The following MGAT4C variants were observed in gnomAD, a reference collection of about 807,000 sequenced individuals.
MGAT4C encodes alpha-1,3-mannosyl-glycoprotein 4-beta-N-acetylglucosaminyltransferase C.
A neutral mutation model predicts 40.1 loss-of-function variants in MGAT4C; 19 were observed. The ratio of observed to expected loss-of-function variants is 0.47; its 90% confidence interval spans 0.33 to 0.70. The LOEUF is 0.70. Ranked by LOEUF, MGAT4C falls within the 30% of genes least tolerant of loss-of-function variation. MGAT4C has a pLI of 0.02. For missense variants in MGAT4C, 491 were observed against 563.2 expected (o/e 0.87, Z 1.30); for synonymous variants, 181 against 187.1 (o/e 0.97, Z 0.27).
chr12:86,356,086 T>C (rs1410083659), intron 3 of MGAT4C, among the ~76,000 whole-genome samples: 2 of 152,122 alleles, frequency 1.3e-5, no homozygotes, highest in African/African-American at 4.8e-5. Flanking sequence ...ATTATATTTA[T>C]ATATTGTAAT....
chr12:86,020,840 G>A (rs866248745), intron 2 of MGAT4C, among the ~76,000 whole-genome samples: 39 of 152,262 alleles, frequency 2.6e-4, no homozygotes, highest in African/African-American at 9.4e-4. Context: ...CTGCTCATCT[G>A]ACAAAGGGGC....
intron 1 of MGAT4C, among the ~76,000 whole-genome samples, chr12:86,184,139 C>A (rs1472125416): frequency 6.6e-6 from 1 of 152,034 alleles, no homozygotes; most frequent in African/African-American, 2.4e-5. Context: ...ATTTTTTTGA[C>A]ATTTAGAAAA....
chr12:86,557,875 T>C (rs896853492), intron 2 of MGAT4C, among the ~76,000 whole-genome samples: 1 of 151,716 alleles, frequency 6.6e-6, no homozygotes, highest in African/African-American at 2.4e-5. Context: ...CAGATCCTAA[T>C]GGAAAGGAAA....
chr12:86,123,237 C>A (rs1005097843), intron 1 of MGAT4C, among the ~76,000 whole-genome samples: 15 of 152,056 alleles, frequency 9.9e-5, no homozygotes, highest in African/African-American at 3.4e-4. Context: ...AAATAACTGT[C>A]AAAGTTTAGT....
chr12:86,173,403 A>G (rs1382320378), intron 1 of MGAT4C, among the ~76,000 whole-genome samples: 1 of 152,098 alleles, frequency 6.6e-6, no homozygotes, highest in Non-Finnish European at 1.5e-5. Context: ...TCATACCTCA[A>G]GCAGGAATGC....
intron 2 of MGAT4C, among the ~76,000 whole-genome samples, chr12:86,443,259 T>C (rs1049074899): frequency 2.0e-5 from 3 of 152,006 alleles, no homozygotes; most frequent in Admixed American, 6.6e-5. Flanking sequence ...CACAATACCG[T>C]AATTATAGTT....
At chr12:86,246,843 A>G (rs945044044) in intron 1 of MGAT4C, among the ~76,000 whole-genome samples, 2 of 152,128 alleles carry the variant, frequency 1.3e-5, no homozygotes, top group Non-Finnish European at 2.9e-5. Context: ...TAATATCTCA[A>G]ACTACTTTCT....
At chr12:86,711,560 A>T (rs998638617) in intron 2 of MGAT4C, among the ~76,000 whole-genome samples, 15 of 152,248 alleles carry the variant, frequency 9.9e-5, no homozygotes, top group African/African-American at 3.4e-4. Context: ...TTTGGTTCTT[A>T]TATTGTTTTT....
intron 4 of MGAT4C, among the ~76,000 whole-genome samples, chr12:86,301,441 C>CAAA (rs1953810132): frequency 6.6e-6 from 1 of 152,134 alleles, no homozygotes; most frequent in African/African-American, 2.4e-5. Flanking sequence ...CTATGGTTAT[C>CAAA]ATGAGCTACA....
At chr12:86,608,293 G>C (rs999405068) in intron 2 of MGAT4C, among the ~76,000 whole-genome samples, 2 of 152,014 alleles carry the variant, frequency 1.3e-5, no homozygotes, top group Non-Finnish European at 2.9e-5. Flanking sequence ...AAAATGAAAA[G>C]ATTCGGCCAG....
intron 3 of MGAT4C, among the ~76,000 whole-genome samples, chr12:86,376,818 CAGAGAGAGAGAGAG>C (rs34852259): frequency 8.0e-6 from 1 of 125,302 alleles, no homozygotes; most frequent in Non-Finnish European, 1.7e-5. Flanking sequence ...GAGAGAGAGA[CAGAGAGAGAGAGAG>C]AGAGAGAGAG....
chr12:86,237,202 A>AT (rs2136032704), intron 1 of MGAT4C, among the ~76,000 whole-genome samples: 1 of 151,702 alleles, frequency 6.6e-6, no homozygotes, highest in Admixed American at 6.6e-5. Flanking sequence ...TATCTACTTA[A>AT]TAAAACAGTG....
At chr12:86,659,344 A>C (rs1313878267) in intron 2 of MGAT4C, among the ~76,000 whole-genome samples, 3 of 152,056 alleles carry the variant, frequency 2.0e-5, no homozygotes, top group Non-Finnish European at 4.4e-5. Flanking sequence ...AAATTCTCCC[A>C]AAATGCCAGA....
intron 2 of MGAT4C, among the ~76,000 whole-genome samples, chr12:86,686,609 T>C (rs1228738227): frequency 6.6e-6 from 1 of 152,242 alleles, no homozygotes; most frequent in Admixed American, 6.5e-5. Flanking sequence ...TTTTTTGTCA[T>C]TGGTTCTGTG....
At chr12:86,299,337 T>A (rs557964053) in intron 4 of MGAT4C, among the ~76,000 whole-genome samples, 103 of 152,288 alleles carry the variant, frequency 6.8e-4, no homozygotes, top group African/African-American at 2.5e-3. Context: ...CAGGATGGTC[T>A]CCATCTACTG....
At chr12:86,125,707 A>G (rs1880128626) in intron 1 of MGAT4C, among the ~76,000 whole-genome samples, 2 of 152,206 alleles carry the variant, frequency 1.3e-5, no homozygotes, top group African/African-American at 4.8e-5. Context: ...ATAATTGGAG[A>G]GGACAAAATA....
chr12:86,631,351 T>C (rs1344204212), intron 2 of MGAT4C, among the ~76,000 whole-genome samples: 2 of 152,042 alleles, frequency 1.3e-5, no homozygotes, highest in Non-Finnish European at 2.9e-5. Context: ...CTAGGTTCAA[T>C]GCCATCCCCA....
chr12:86,153,273 G>GA (rs1008743598), intron 1 of MGAT4C, among the ~76,000 whole-genome samples: 44 of 152,000 alleles, frequency 2.9e-4, no homozygotes, highest in African/African-American at 7.7e-4. Flanking sequence ...CCACTAAGGA[G>GA]AAAAAACCTA....
intron 1 of MGAT4C, among the ~76,000 whole-genome samples, chr12:86,093,761 CA>C (rs1873352115): frequency 6.6e-6 from 1 of 151,270 alleles, no homozygotes; most frequent in Non-Finnish European, 1.5e-5. Context: ...ACAACAACAA[CA>C]ACAACAACAA....
Sources: allele counts gnomAD v4.1 joint callset (sites outside exome capture counted in the v4.1 genomes callset), GRCh38; gene constraint gnomAD v4.1.1; transcripts MANE v1.5; gene names NCBI Gene and HGNC (gene_info 2026-07-23, HGNC 2026-07-21).